AGMO: variants seen among roughly 807,000 people sequenced by gnomAD.
The protein encoded by AGMO is glyceryl-ether monooxygenase.
Under a neutral mutation model 60.2 loss-of-function variants are expected in AGMO, and 75 were observed. The ratio of observed to expected loss-of-function variants is 1.25; its 90% CI spans 1.03 to 1.51. The LOEUF (loss-of-function observed/expected upper bound fraction) is 1.51. AGMO is among the 40% of genes most tolerant of loss of function. The pLI, the probability that AGMO is intolerant of heterozygous loss-of-function variation, is 0.00. For synonymous variants in AGMO, 261 were observed against 177.1 expected (o/e 1.47, Z -3.76); for missense variants, 763 against 525.5 (o/e 1.45, Z -4.42).
chr7:15,311,738 T>TAA (rs1162246408), intron 12 of AGMO, among the ~76,000 whole-genome samples: 1 of 152,170 alleles, frequency 6.6e-6, no homozygotes, highest in African/African-American at 2.4e-5. Context: ...ACAAAGCATT[T>TAA]AAGTGAGAAC....
At chr7:15,395,248 T>C (rs1367200871) in intron 5 of AGMO, among the ~76,000 whole-genome samples, 2 of 152,188 alleles carry the variant, frequency 1.3e-5, no homozygotes, top group Admixed American at 1.3e-4. Context: ...ATGAGTTAAA[T>C]GATGCGAAAG....
At chr7:15,422,933 A>T (rs1197367544) in intron 4 of AGMO, among the ~76,000 whole-genome samples, 2 of 152,206 alleles carry the variant, frequency 1.3e-5, no homozygotes, top group Non-Finnish European at 2.9e-5. Context: ...CTTAGTTTGG[A>T]CGAGGTAAGT....
the AGMO span, among the ~76,000 whole-genome samples, chr7:15,189,584 G>A: frequency 6.6e-6 from 1 of 152,016 alleles, no homozygotes; most frequent in Non-Finnish European, 1.5e-5. Context: ...CCAATAAAAT[G>A]TTAAGGAACA....
intron 12 of AGMO, among the ~76,000 whole-genome samples, chr7:15,229,447 G>C (rs771399080): frequency 6.7e-6 from 1 of 149,354 alleles, no homozygotes; most frequent in Admixed American, 6.7e-5. Flanking sequence ...TTTTTGTCTC[G>C]CTACTTTCTT....
At chr7:15,298,483 C>T (rs372467686) in intron 12 of AGMO, among the ~76,000 whole-genome samples, 2 of 152,142 alleles carry the variant, frequency 1.3e-5, no homozygotes, top group Admixed American at 1.3e-4. Context: ...CAGCCTTGAC[C>T]TCCTGGGCTC....
chr7:15,531,187 A>G (rs1784326762), intron 3 of AGMO, among the ~76,000 whole-genome samples: 1 of 94,222 alleles, frequency 1.1e-5, no homozygotes, highest in Non-Finnish European at 1.9e-5. Context: ...TATATTCTAT[A>G]TATATTCTAT....
At chr7:15,438,819 T>G (rs1781468335) in intron 3 of AGMO, among the ~76,000 whole-genome samples, 1 of 152,226 alleles carries the variant, frequency 6.6e-6, no homozygotes, top group South Asian at 2.1e-4. Flanking sequence ...GCTAATTCAC[T>G]GGGATTTGCT....
At chr7:15,493,578 T>C (rs1783135225) in intron 3 of AGMO, among the ~76,000 whole-genome samples, 1 of 151,590 alleles carries the variant, frequency 6.6e-6, no homozygotes, top group Non-Finnish European at 1.5e-5. Flanking sequence ...GGTTTCACTG[T>C]GTTAGCCAGG....
intron 12 of AGMO, among the ~76,000 whole-genome samples, chr7:15,324,529 A>G (rs1412705115): frequency 2.6e-5 from 4 of 152,008 alleles, no homozygotes; most frequent in Non-Finnish European, 4.4e-5. Flanking sequence ...AGACCCCTAC[A>G]TGGCCAGAGG....
In AGMO at chr7:15,356,767, AAACT is replaced by A. The variant is rs1782547448; in HGVS notation, c.1263+8743_1263+8746del. Among the ~76,000 whole-genome samples, 5 of 152,026 alleles carry A rather than the reference AAACT, an allele frequency of 3.3e-5. 1 individual carries two copies. The South Asian group carries it at 1.0e-3, about 31-fold the overall frequency. On this transcript the variant is annotated intron_variant, in intron 12 of 12. Transcript: ENST00000342526. Reference sequence around the variant, plus strand: ...AAAATGTGATTAAAAATATTAAATAAAACTAATATAGCTACTACTTATAAATGCA... The same window carrying A: ...AAAATGTGATTAAAAATATTAAATAAAATATAGCTACTACTTATAAATGCA...
intron 12 of AGMO, among the ~76,000 whole-genome samples, chr7:15,280,459 C>T (rs775888685): frequency 2.0e-4 from 30 of 152,190 alleles, no homozygotes; most frequent in Non-Finnish European, 4.1e-4. Flanking sequence ...AGCAGAAAGC[C>T]AGAGTGCAGG....
chr7:15,447,560 CT>C (rs1406178442), intron 3 of AGMO, among the ~76,000 whole-genome samples: 3 of 150,802 alleles, frequency 2.0e-5, no homozygotes, highest in East Asian at 1.9e-4. Flanking sequence ...TTTCTTTTTT[CT>C]TTTTTTTTAG....
chr7:15,256,964 T>G (rs1169468558), intron 12 of AGMO, among the ~76,000 whole-genome samples: 1 of 152,174 alleles, frequency 6.6e-6, no homozygotes, highest in Non-Finnish European at 1.5e-5. Flanking sequence ...TTCCATGGTG[T>G]TCTTCTTGTA....
chr7:15,393,545 G>A (rs1298481181), intron 6 of AGMO, among the ~76,000 whole-genome samples: 1 of 152,022 alleles, frequency 6.6e-6, no homozygotes, highest in Non-Finnish European at 1.5e-5. Context: ...TGCTATATAG[G>A]GCTTGGGGTA....
chr7:15,510,564 A>G (rs1443505004), intron 3 of AGMO, among the ~76,000 whole-genome samples: 2 of 149,814 alleles, frequency 1.3e-5, no homozygotes, highest in Non-Finnish European at 3.0e-5. Flanking sequence ...TATATGTCAT[A>G]TATGTGATAT....
chr7:15,165,099 G>A, the AGMO span, among the ~76,000 whole-genome samples: 18 of 152,206 alleles, frequency 1.2e-4, no homozygotes, highest in East Asian at 2.9e-3. Flanking sequence ...TGGATGGAGC[G>A]GGAGGCCATT....
intron 12 of AGMO, among the ~76,000 whole-genome samples, chr7:15,278,840 G>A (rs948847477): frequency 6.6e-6 from 1 of 152,132 alleles, no homozygotes; most frequent in African/African-American, 2.4e-5. Context: ...GGAACACCAG[G>A]CTGCAGCTAT....
chr7:15,345,932 G>C (rs1262871125), intron 12 of AGMO, among the ~76,000 whole-genome samples: 3 of 151,994 alleles, frequency 2.0e-5, no homozygotes, highest in South Asian at 2.1e-4. Context: ...ATCCAAGTGA[G>C]GGAAATGAAA....
intron 3 of AGMO, among the ~76,000 whole-genome samples, chr7:15,469,936 A>G (rs1392276093): frequency 6.6e-6 from 1 of 152,074 alleles, no homozygotes; most frequent in Non-Finnish European, 1.5e-5. Flanking sequence ...ATGAGGAAAA[A>G]CAAAAGAATG....
Sources: allele counts gnomAD v4.1 joint callset (sites outside exome capture counted in the v4.1 genomes callset), GRCh38; gene constraint gnomAD v4.1.1; transcripts MANE v1.5; gene names NCBI Gene and HGNC (gene_info 2026-07-23, HGNC 2026-07-21).